MYO18B: variants seen among roughly 807,000 people sequenced by gnomAD.
MYO18B encodes unconventional myosin-XVIIIb.
MYO18B carries 204 observed loss-of-function variants against 273.0 expected under a neutral mutation model. The observed-to-expected ratio is 0.75, with a 90% CI of 0.67 to 0.84. The LOEUF (loss-of-function observed/expected upper bound fraction) is 0.84. Ranked by LOEUF, MYO18B falls within the 40% of genes least tolerant of loss-of-function variation. MYO18B has a pLI of 0.00. For synonymous variants in MYO18B, 1,330 were observed against 1,305.7 expected (o/e 1.02, Z -0.40); for missense variants, 3,212 against 3,287.6 (o/e 0.98, Z 0.56).
chr22:25,999,955 G>A (rs1396097518), intron 40 of MYO18B, among the ~76,000 whole-genome samples: 1 of 152,128 alleles, frequency 6.6e-6, no homozygotes, highest in East Asian at 1.9e-4. Flanking sequence ...GCCTGGCCAA[G>A]TTCTTTTTTT....
At chr22:25,931,064 A>C (rs561741985) in intron 34 of MYO18B, among the ~76,000 whole-genome samples, 1 of 152,226 alleles carries the variant, frequency 6.6e-6, no homozygotes, top group African/African-American at 2.4e-5. Flanking sequence ...GTGTGTGGGC[A>C]CCTGGGGAAC....
Position 25,890,881 on chromosome 22 carries a change from T to A in MYO18B, c.4434+6T>A. ...GGGAGGTCCAGGAGCTCAAGGTGAG[T>A]GGTCAGGGGTGGCCAGGGGTGGCTG... On this transcript the variant is annotated splice_donor_region_variant and intron_variant, in intron 26 of 43. Transcript: ENST00000335473. 1 of 1,611,958 alleles carries A rather than the reference T, an allele frequency of 6.2e-7. No individual in the cohort carries two copies. Among genetic ancestry groups the A allele is most frequent in the Non-Finnish European group, 8.5e-7 (1 of 1,179,278 alleles).
At chr22:25,801,873 A>G (rs1354185222) in intron 12 of MYO18B, among the ~76,000 whole-genome samples, 1 of 152,184 alleles carries the variant, frequency 6.6e-6, no homozygotes, top group African/African-American at 2.4e-5. Flanking sequence ...AAAGCTAGAG[A>G]TGGGATTTGG....
intron 12 of MYO18B, among the ~76,000 whole-genome samples, chr22:25,799,084 C>G (rs2088061722): frequency 6.6e-6 from 1 of 151,718 alleles, no homozygotes; most frequent in Non-Finnish European, 1.5e-5. Context: ...TCATTTCTGT[C>G]CTAGTTTCTC....
intron 40 of MYO18B, among the ~76,000 whole-genome samples, chr22:25,997,270 A>G (rs1933355459): frequency 1.5e-5 from 2 of 137,734 alleles, no homozygotes; most frequent in African/African-American, 2.7e-5. Flanking sequence ...GCGCCAGTGT[A>G]CTATAGCCTG....
chr22:25,764,306 G>A (rs1191389430), intron 3 of MYO18B, among the ~76,000 whole-genome samples: 1 of 152,206 alleles, frequency 6.6e-6, no homozygotes, highest in Non-Finnish European at 1.5e-5. Flanking sequence ...CATGGAACCT[G>A]GGCAGGATGA....
chr22:26,015,882 A>G (rs531532108), intron 42 of MYO18B, among the ~76,000 whole-genome samples: 6 of 152,304 alleles, frequency 3.9e-5, no homozygotes, highest in Admixed American at 2.0e-4. Context: ...TAGTGCATCT[A>G]CCACCCCCTC....
At chr22:25,926,459 ATTT>A (rs2146474219) in intron 34 of MYO18B, among the ~76,000 whole-genome samples, 1 of 151,812 alleles carries the variant, frequency 6.6e-6, no homozygotes, top group African/African-American at 2.4e-5. Flanking sequence ...TAATTTTTGT[ATTT>A]TTAGTAGAGA....
intron 1 of MYO18B, among the ~76,000 whole-genome samples, chr22:25,745,862 C>T (rs529695644): frequency 1.5e-4 from 23 of 152,258 alleles, no homozygotes; most frequent in African/African-American, 5.1e-4. Flanking sequence ...TGGAGGGCAG[C>T]TGGATTAACT....
intron 40 of MYO18B, among the ~76,000 whole-genome samples, chr22:25,994,494 A>G (rs1383974802): frequency 1.3e-5 from 2 of 151,418 alleles, no homozygotes; most frequent in Non-Finnish European, 2.9e-5. Context: ...TAAAAAATAA[A>G]AGTTCATGTT....
At chr22:25,921,736 G>A (rs200647815) in intron 34 of MYO18B, among the ~76,000 whole-genome samples, 17 of 97,812 alleles carry the variant, frequency 1.7e-4, no homozygotes, top group African/African-American at 5.1e-4. Context: ...GTGTGTGTGT[G>A]TGTGTATGTG....
intron 25 of MYO18B, chr22:25,884,747 C>G (rs189344148): frequency 2.0e-5 from 3 of 152,142 alleles, no homozygotes; most frequent in African/African-American, 2.4e-5. Flanking sequence ...GGCAGAGGGT[C>G]GAGCCAGCTT....
At chr22:25,745,223 T>C (rs2085742853) in intron 1 of MYO18B, among the ~76,000 whole-genome samples, 1 of 152,010 alleles carries the variant, frequency 6.6e-6, no homozygotes, top group Admixed American at 6.6e-5. Context: ...CATCCTCCCA[T>C]CTCAACCTCC....
chr22:25,769,550 A>G (rs932512783), intron 4 of MYO18B, 122 bp downstream of exon 4: 1 of 909,340 alleles, frequency 1.1e-6, no homozygotes, highest in Non-Finnish European at 1.6e-6. Flanking sequence ...AGGGAATTGG[A>G]GAGGGGTGGC....
chr22:26,061,318 G>T, the MYO18B span, among the ~76,000 whole-genome samples: 3 of 152,018 alleles, frequency 2.0e-5, no homozygotes, highest in South Asian at 6.2e-4. Context: ...TTGTTGGTTG[G>T]ATCCTGACAG....
downstream of MYO18B, among the ~76,000 whole-genome samples, chr22:26,032,060 G>A (rs896389749): frequency 1.2e-4 from 18 of 152,210 alleles, no homozygotes; most frequent in Non-Finnish European, 2.2e-4. Flanking sequence ...GCTCTTGCAC[G>A]AGGTTCTCCC....
chr22:26,026,156 A>G (rs1936221458), intron 42 of MYO18B, among the ~76,000 whole-genome samples: 1 of 152,204 alleles, frequency 6.6e-6, no homozygotes. Flanking sequence ...CATGTCAGAT[A>G]TGATGCCTCA....
chr22:25,885,118 C>A (rs985708950), intron 25 of MYO18B, among the ~76,000 whole-genome samples: 1 of 152,186 alleles, frequency 6.6e-6, no homozygotes, highest in Non-Finnish European at 1.5e-5. Context: ...AGAAAAATTA[C>A]ATTTAATGAG....
At chr22:26,017,378 C>T (rs893673992) in intron 42 of MYO18B, among the ~76,000 whole-genome samples, 1 of 151,632 alleles carries the variant, frequency 6.6e-6, no homozygotes, top group African/African-American at 2.4e-5. Flanking sequence ...CTTCCTCCCT[C>T]CCCTCCTCCT....
Sources: allele counts gnomAD v4.1 joint callset (sites outside exome capture counted in the v4.1 genomes callset), GRCh38; gene constraint gnomAD v4.1.1; transcripts MANE v1.5; gene names NCBI Gene and HGNC (gene_info 2026-07-23, HGNC 2026-07-21).